Variants in RALGPS2 observed in about 807,000 individuals in gnomAD.
RALGPS2 encodes Ral GEF with PH domain and SH3 binding motif 2, also known as ras-specific guanine nucleotide-releasing factor RalGPS2.
RALGPS2 carries 43 observed loss-of-function variants against 86.8 expected under a neutral mutation model. That is an observed-to-expected ratio of 0.50 (90% CI 0.39 to 0.64). The LOEUF (loss-of-function observed/expected upper bound fraction) is 0.64. RALGPS2 is among the 30% of genes least tolerant of loss of function. RALGPS2 has a pLI of 0.00. For synonymous variants in RALGPS2, 243 were observed against 231.3 expected, an observed-to-expected ratio of 1.05 and a Z score of -0.46; for missense variants, 536 against 694.6, an observed-to-expected ratio of 0.77 and a Z score of 2.57.
At position 178,784,557 on chromosome 1, in the gene RALGPS2, A is replaced by T. The variant is rs751555126; in HGVS notation, c.162+35A>T. ...CTACCTCTGTCTTCTCCGGTTTTGCACATAATTTACATATTGGTGCTATTG... is the reference window on the plus strand; with the variant it reads ...CTACCTCTGTCTTCTCCGGTTTTGCTCATAATTTACATATTGGTGCTATTG... On this transcript the variant is annotated intron_variant, in intron 3 of 19. Coordinates refer to ENST00000367635, the MANE Select transcript of RALGPS2 (RefSeq NM_152663.5). The T allele has an allele frequency of 6.8e-6, 10 of 1,461,704 alleles. No homozygotes were observed. In the African/African-American group the frequency reaches 1.3e-4, roughly 18 times the overall value. The allele number at this position is 1,461,704 out of a possible 1,614,324, so 90.5% of individuals were successfully genotyped here.
intron 19 of RALGPS2, among the ~76,000 whole-genome samples, chr1:178,910,087 C>A (rs1660565641): frequency 6.6e-6 from 1 of 152,048 alleles, no homozygotes; most frequent in Non-Finnish European, 1.5e-5. Context: ...TATAGAAATG[C>A]TGTTGATTTT....
intron 1 of RALGPS2, among the ~76,000 whole-genome samples, chr1:178,755,025 C>T (rs1432954923): frequency 6.6e-6 from 1 of 152,226 alleles, no homozygotes; most frequent in Non-Finnish European, 1.5e-5. Context: ...GTCTTGAACT[C>T]CTGACCTCAG....
chr1:178,799,374 A>G (rs1476326317), intron 4 of RALGPS2, among the ~76,000 whole-genome samples: 3 of 151,502 alleles, frequency 2.0e-5, no homozygotes, highest in South Asian at 2.1e-4. Context: ...CTACTCTGGA[A>G]AAAAAAAATG....
chr1:178,827,930 G>C (rs935701179), intron 7 of RALGPS2, among the ~76,000 whole-genome samples: 1 of 152,214 alleles, frequency 6.6e-6, no homozygotes, highest in Admixed American at 6.5e-5. Flanking sequence ...AATGAAACTG[G>C]ACCCTTATCT....
At chr1:178,750,712 C>A (rs1204865287) in intron 1 of RALGPS2, among the ~76,000 whole-genome samples, 1 of 152,132 alleles carries the variant, frequency 6.6e-6, no homozygotes, top group African/African-American at 2.4e-5. Flanking sequence ...GGATAATAAC[C>A]TTCTTATTGC....
intron 8 of RALGPS2, among the ~76,000 whole-genome samples, chr1:178,856,260 G>A (rs1361257920): frequency 7.2e-6 from 1 of 139,100 alleles, no homozygotes; most frequent in Non-Finnish European, 1.5e-5. Context: ...TTTTTTTGGA[G>A]CCTGTTTCCC....
At chr1:178,758,288 A>G (rs1401627526) in intron 1 of RALGPS2, among the ~76,000 whole-genome samples, 3 of 152,018 alleles carry the variant, frequency 2.0e-5, no homozygotes, top group Non-Finnish European at 1.5e-5. Context: ...TAGTAGGTGT[A>G]TGTATTTAGG....
At chr1:178,866,624 G>C (rs1202734810) in intron 8 of RALGPS2, among the ~76,000 whole-genome samples, 1 of 152,092 alleles carries the variant, frequency 6.6e-6, no homozygotes, top group East Asian at 1.9e-4. Context: ...AAAGAAACTT[G>C]TCTGTAATTG....
At chr1:178,758,387 T>G (rs1283629411) in intron 1 of RALGPS2, among the ~76,000 whole-genome samples, 2 of 152,194 alleles carry the variant, frequency 1.3e-5, no homozygotes, top group African/African-American at 4.8e-5. Context: ...ATTTATCCTT[T>G]GTTACAAGCA....
At chr1:178,802,020 C>T (rs181857140) in intron 4 of RALGPS2, among the ~76,000 whole-genome samples, 2 of 152,176 alleles carry the variant, frequency 1.3e-5, no homozygotes, top group East Asian at 3.9e-4. Context: ...CTATCTCATA[C>T]AACAATAATC....
intron 1 of RALGPS2, among the ~76,000 whole-genome samples, chr1:178,728,167 T>C (rs1650133027): frequency 6.6e-6 from 1 of 152,192 alleles, no homozygotes; most frequent in Admixed American, 6.5e-5. Flanking sequence ...GCTGAAAATA[T>C]TCTCTCGGCA....
Position 178,865,201 on chromosome 1 carries a change from C to G in RALGPS2, c.608-12297C>G, listed in dbSNP as rs1024596966. The G allele has an allele frequency of 4.3e-6, 7 of 1,613,830 alleles. No individual in the cohort carries two copies. The African/African-American group carries it at 5.3e-5, about 12-fold the overall frequency. On this transcript the variant is annotated intron_variant, in intron 8 of 19. Transcript: ENST00000367635. ...AGCACTGTTCTTCCAACAAAGTGAT[C>G]ATCACAGATTGGTTATTGACAAGAT... is the stretch of plus-strand genomic sequence containing the variant.
At chr1:178,863,339 A>G (rs978019316) in intron 8 of RALGPS2, among the ~76,000 whole-genome samples, 2 of 152,262 alleles carry the variant, frequency 1.3e-5, no homozygotes, top group African/African-American at 4.8e-5. Context: ...AATGGTGAAA[A>G]GACAGTTAAC....
chr1:178,731,047 C>T (rs778359298), intron 1 of RALGPS2, among the ~76,000 whole-genome samples: 8 of 152,000 alleles, frequency 5.3e-5, no homozygotes, highest in Non-Finnish European at 1.2e-4. Flanking sequence ...GGATCCATAT[C>T]CTCCGCTTTC....
intron 1 of RALGPS2, among the ~76,000 whole-genome samples, chr1:178,758,941 A>C (rs1652092728): frequency 6.6e-6 from 1 of 151,440 alleles, no homozygotes; most frequent in African/African-American, 2.4e-5. Flanking sequence ...TTTCCTGTAG[A>C]GTTGTTTGAG....
intron 8 of RALGPS2, among the ~76,000 whole-genome samples, chr1:178,866,816 T>A (rs1658441323): frequency 6.6e-6 from 1 of 152,148 alleles, no homozygotes; most frequent in South Asian, 2.1e-4. Context: ...CTTAGAATGT[T>A]TCGTTTTTGC....
chr1:178,752,702 T>C (rs1208627126), intron 1 of RALGPS2, among the ~76,000 whole-genome samples: 2 of 152,122 alleles, frequency 1.3e-5, no homozygotes, highest in Admixed American at 6.5e-5. Context: ...TCTGAAGGAG[T>C]TAAAAAATAG....
At position 178,889,712 on chromosome 1, in the gene RALGPS2, C is replaced by T; in HGVS notation, c.1247+16C>T. The T allele has an allele frequency of 6.3e-7, 1 of 1,584,444 alleles. No individual in the cohort carries two copies. The highest frequency in any genetic ancestry group is 8.6e-7 in the Non-Finnish European group (1 of 1,158,350). On this transcript the variant is annotated intron_variant, in intron 14 of 19. Transcript: ENST00000367635. The stretch of plus-strand genomic sequence containing the variant: ...CTTTTGAAAGGTAAGATAAATTGTC[C>T]ATTTGAACTACTTGGAGTTTATTTT...
intron 4 of RALGPS2, among the ~76,000 whole-genome samples, chr1:178,798,046 G>A (rs1654288409): frequency 6.7e-6 from 1 of 148,220 alleles, no homozygotes; most frequent in Admixed American, 6.7e-5. Flanking sequence ...AAGAAAAAGG[G>A]ATGGCGTGAA....
Sources: gnomAD v4.1 joint callset for allele counts (sites outside exome capture counted in the v4.1 genomes callset) on GRCh38, gnomAD v4.1.1 for gene constraint, MANE v1.5 for transcripts, NCBI Gene and HGNC (gene_info 2026-07-23, HGNC 2026-07-21) for gene names.